ZNF526: variants seen among roughly 807,000 people sequenced by gnomAD.
ZNF526 encodes the protein zinc finger protein 526.
A neutral mutation model predicts 32.4 loss-of-function variants in ZNF526; 16 were observed. The observed-to-expected ratio is 0.49, with a 90% CI of 0.33 to 0.75. ZNF526 has a LOEUF of 0.75. ZNF526 is among the 30% of genes least tolerant of loss of function. The pLI is 0.02. For synonymous variants in ZNF526, 355 were observed against 363.4 expected, an observed-to-expected ratio of 0.98 and a Z score of 0.26; for missense variants, 838 against 920.7, an observed-to-expected ratio of 0.91 and a Z score of 1.16.
At position 42,227,442 on chromosome 19, in the gene ZNF526, A is replaced by G. The variant is rs143313894; in HGVS notation, c.*1026A>G. 1 of 167,208 alleles carries G rather than the reference A, an allele frequency of 6.0e-6. No homozygotes were observed. The highest frequency in any genetic ancestry group is 1.5e-5 in the Non-Finnish European group (1 of 68,112). The allele number at this position is 167,208 out of a possible 1,614,324, so 10.4% of individuals were successfully genotyped here. A position where few individuals can be genotyped will look rare whatever the true frequency, so the allele number is the denominator to read the frequency against. On this transcript the variant is annotated 3_prime_UTR_variant, in exon 3 of 3. Transcript: ENST00000301215. Reference sequence around the variant, plus strand: ...CCAACAGGCTTGTGACATAGATTTCATATTATCCCTGTTGTATAGATTTTT... The same window carrying G: ...CCAACAGGCTTGTGACATAGATTTCGTATTATCCCTGTTGTATAGATTTTT...
In ZNF526 at chr19:42,227,183, T is replaced by G. The variant is rs2036189519; in HGVS notation, c.*767T>G. 1 of 167,776 alleles carries G rather than the reference T, an allele frequency of 6.0e-6. No individual in the cohort carries two copies. Among genetic ancestry groups the G allele is most frequent in the Non-Finnish European group, 1.5e-5 (1 of 68,740 alleles). 10.4% of individuals were successfully genotyped at this position (167,776 alleles called of 1,614,324 possible). A position where few individuals can be genotyped will look rare whatever the true frequency, so the allele number is the denominator to read the frequency against. On this transcript the variant is annotated 3_prime_UTR_variant, in exon 3 of 3. Transcript: ENST00000301215. ...CTGTGATGGGGATGTGCAGGGACAG[T>G]GGGATCCCAGGAAACAGACCTCCAT...
Position 42,227,138 on chromosome 19 carries a change from A to G in ZNF526, c.*722A>G, listed in dbSNP as rs1296979516. On this transcript the variant is annotated 3_prime_UTR_variant, in exon 3 of 3. Transcript: ENST00000301215. The stretch of plus-strand genomic sequence containing the variant: ...GTGATGCTGGGGGCAGAGATGAGTC[A>G]GGCCTAAGGCTTCTCTGGGCTGTGA... 1 of 172,464 alleles carries G rather than the reference A, an allele frequency of 5.8e-6. No homozygotes were observed. The highest frequency in any genetic ancestry group is 1.4e-5 in the Non-Finnish European group (1 of 71,086). The allele number at this position is 172,464 out of a possible 1,614,324, so 10.7% of individuals were successfully genotyped here. A position where few individuals can be genotyped will look rare whatever the true frequency, so the allele number is the denominator to read the frequency against.
In ZNF526 at chr19:42,225,798, C is replaced by G. The variant is rs765356684; in HGVS notation, c.1395C>G (p.His465Gln). Residue 465 changes from histidine to glutamine, a missense_variant, in exon 3 of 3, where the codon CAC (histidine) becomes CAG (glutamine). Coordinates refer to ENST00000301215, the MANE Select transcript of ZNF526 (RefSeq NM_133444.3). ...SRLSRHRRAV[H>Q]GPPERRHRCG... ...TGTCCCGGCACCGGCGTGCAGTACA[C>G]GGGCCCCCTGAACGGCGTCACCGCT... The G allele has an allele frequency of 6.2e-7, 1 of 1,613,618 alleles. No homozygotes were observed. Among genetic ancestry groups the G allele is most frequent in the Admixed American group, 1.7e-5 (1 of 60,014 alleles).
At position 42,220,392 on chromosome 19, in the gene ZNF526, G is replaced by C. The variant is rs1302017805; in HGVS notation, c.-109+5G>C. The stretch of plus-strand genomic sequence containing the variant: ...TGCAGGAGATAAGAGAAACGGGTGA[G>C]GGCGCCGCGCGGGGCTGGACTGGGA... On this transcript the variant is annotated splice_donor_5th_base_variant and intron_variant, in intron 1 of 2. Coordinates refer to ENST00000301215, the MANE Select transcript of ZNF526 (RefSeq NM_133444.3). The C allele has an allele frequency of 2.0e-5, 3 of 153,004 alleles. No homozygotes were observed. Among genetic ancestry groups the C allele is most frequent in the Non-Finnish European group, 2.9e-5 (2 of 68,628 alleles). 9.5% of individuals were successfully genotyped at this position (153,004 alleles called of 1,614,324 possible).
Position 42,224,418 on chromosome 19 carries a change from G to A in ZNF526, c.15G>A (p.Val5=). 3 of 1,614,182 alleles carry A rather than the reference G, an allele frequency of 1.9e-6. No homozygotes were observed. The highest frequency in any genetic ancestry group is 1.6e-4 in the Middle Eastern group (1 of 6,062). The change falls in exon 3 of 3, where the codon GTG becomes GTA. Residue 5 remains valine, a synonymous_variant. Transcript: ENST00000301215. MAEV[V]AEVAEMPTQM... is the part of the protein sequence containing the mutation. ...CCTTCCCCACAATGGCAGAGGTGGT[G>A]GCTGAGGTGGCCGAGATGCCAACAC...
chr19:42,222,407 A>G (rs545743737), intron 1 of ZNF526, among the ~76,000 whole-genome samples: 1 of 152,216 alleles, frequency 6.6e-6, no homozygotes, highest in East Asian at 1.9e-4. Context: ...TTCTATATGC[A>G]AGGCTGTAAA....
At chr19:42,224,119 A>G (rs558216633) in intron 1 of ZNF526, 96 bp from the exon 2 acceptor site, 13 of 411,806 alleles carry the variant, frequency 3.2e-5, no homozygotes, top group South Asian at 2.6e-4. Flanking sequence ...AGATTGTGCC[A>G]CTGCACTCCA....
rs111722832 is a variant in ZNF526 at position 42,226,065 on chromosome 19, C to T, written c.1662C>T (p.Val554=). Reference sequence around the variant, plus strand: ...ACCGGCGGTTGCACTTGCGGCCAGTCGCCTTTGCCCGCGCCCCCCGCCTCC... The same window carrying T: ...ACCGGCGGTTGCACTTGCGGCCAGTTGCCTTTGCCCGCGCCCCCCGCCTCC... ...QQHRRLHLRP[V]AFARAPRLPI... Residue 554 remains valine (V), a synonymous_variant, in exon 3 of 3, where the codon GTC becomes GTT. Coordinates refer to ENST00000301215, the MANE Select transcript of ZNF526 (RefSeq NM_133444.3). 7,950 of 1,608,334 alleles carry T rather than the reference C, an allele frequency of 4.9e-3. 296 individuals are homozygous for T. In the African/African-American group the frequency reaches 0.089, roughly 18 times the overall value.
At position 42,225,619 on chromosome 19, in the gene ZNF526, C is replaced by A; in HGVS notation, c.1216C>A (p.Arg406=). ...FSNMTKFLYH[R]RTHAGKSGAP... ...CAACATGACCAAGTTCCTCTACCAC[C>A]GGCGCACTCACGCCGGCAAAAGCGG... Residue 406 remains arginine, a synonymous_variant, in exon 3 of 3, where the codon CGG becomes AGG. Coordinates refer to ENST00000301215, the MANE Select transcript of ZNF526 (RefSeq NM_133444.3). 6.2e-7 allele frequency: 1 copy of A among 1,611,666 alleles called. No individual in the cohort carries two copies. The highest frequency in any genetic ancestry group is 8.5e-7 in the Non-Finnish European group (1 of 1,178,288).
Position 42,226,894 on chromosome 19 carries a change from A to C in ZNF526, c.*478A>C. On this transcript the variant is annotated 3_prime_UTR_variant, in exon 3 of 3. Coordinates refer to ENST00000301215, the MANE Select transcript of ZNF526 (RefSeq NM_133444.3). The stretch of plus-strand genomic sequence containing the variant: ...GATTTCTCTGGGCTTCCTTCATCTC[A>C]ATTCTGACAGTGTGGAAGGAAATCT... 1 of 250,662 alleles carries C rather than the reference A, an allele frequency of 4.0e-6. No homozygotes were observed. Among genetic ancestry groups the C allele is most frequent in the Non-Finnish European group, 8.5e-6 (1 of 118,056 alleles). The allele number at this position is 250,662 out of a possible 1,614,324, so 15.5% of individuals were successfully genotyped here.
At chr19:42,221,866 G>C (rs1426951340) in intron 1 of ZNF526, among the ~76,000 whole-genome samples, 1 of 151,576 alleles carries the variant, frequency 6.6e-6, no homozygotes, top group Non-Finnish European at 1.5e-5. Flanking sequence ...CTTCCCAAGG[G>C]AGGCTCACTG....
At chr19:42,223,828 A>AG in intron 1 of ZNF526, among the ~76,000 whole-genome samples, 2 of 147,758 alleles carry the variant, frequency 1.4e-5, no homozygotes, top group African/African-American at 2.5e-5. Context: ...AAAAAAAAAA[A>AG]AAAAAAAAAA....
rs1237797744 is a variant in ZNF526, at chr19:42,225,944, A to T, written c.1541A>T (p.Asn514Ile). 6.2e-7 allele frequency: 1 copy of T among 1,614,080 alleles called. No homozygotes were observed. Among genetic ancestry groups the T allele is most frequent in the Non-Finnish European group, 8.5e-7 (1 of 1,180,012 alleles). Residue 514 changes from asparagine (N) to isoleucine (I), a missense_variant, in exon 3 of 3, where the codon AAC (asparagine) becomes ATC (isoleucine). Coordinates refer to ENST00000301215, the MANE Select transcript of ZNF526 (RefSeq NM_133444.3). ...GGCAAGACCTTTGCTTCTTTGGCCA[A>T]CCTCAGCCGCCACCAGCTGACCCAT... ...SCGKTFASLA[N>I]LSRHQLTHTG... is the part of the protein sequence containing the mutation.
Position 42,225,782 on chromosome 19 carries a change from A to G in ZNF526, c.1379A>G (p.His460Arg). 1 of 1,517,676 alleles carries G rather than the reference A, an allele frequency of 6.6e-7. No individual in the cohort carries two copies. The highest frequency in any genetic ancestry group is 8.9e-7 in the Non-Finnish European group (1 of 1,120,252). The allele number at this position is 1,517,676 out of a possible 1,614,324, so 94.0% of individuals were successfully genotyped here. The change falls in exon 3 of 3, where the codon CAC (histidine) becomes CGC (arginine). Residue 460 changes from histidine to arginine, a missense_variant. Transcript: ENST00000301215. The part of the protein sequence containing the change: ...SFASASRLSR[H>R]RRAVHGPPER... ...GCCTCAGCTTCCCGGCTGTCCCGGC[A>G]CCGGCGTGCAGTACACGGGCCCCCT...
chr19:42,225,736 C>G lies in ZNF526; in HGVS notation c.1333C>G (p.Pro445Ala), dbSNP rs1489433178. The change falls in exon 3 of 3, where the codon CCA (proline) becomes GCA (alanine). Residue 445 changes from proline to alanine, a missense_variant. Physicochemically the swap from Pro to Ala is conservative, Grantham distance 27. Coordinates refer to ENST00000301215, the MANE Select transcript of ZNF526 (RefSeq NM_133444.3). ...TGCCCCACCTGCCCAGCTGCCCTGC[C>G]CACAGTGCTCCAAGTCCTTTGCCTC... is the stretch of plus-strand genomic sequence containing the variant. ...PPAPPAQLPC[P>A]QCSKSFASAS... is the part of the protein sequence containing the mutation. 1 of 1,612,966 alleles carries G rather than the reference C, an allele frequency of 6.2e-7. No individual in the cohort carries two copies. Among genetic ancestry groups the G allele is most frequent in the South Asian group, 1.1e-5 (1 of 91,064 alleles).
intron 1 of ZNF526, among the ~76,000 whole-genome samples, chr19:42,224,002 T>C (rs1472556779): frequency 8.1e-4 from 102 of 126,206 alleles, no homozygotes; most frequent in African/African-American, 1.5e-3. Context: ...TATATATATA[T>C]ACAAAAATTA....
chr19:42,220,941 C>T (rs938173735), intron 1 of ZNF526, among the ~76,000 whole-genome samples: 3 of 152,114 alleles, frequency 2.0e-5, no homozygotes, highest in Admixed American at 6.5e-5. Flanking sequence ...AACTCTCGGG[C>T]CCCTGGTTGC....
rs945786621 is a variant in ZNF526 at position 42,227,247 on chromosome 19, A to T, written c.*831A>T. 2 of 167,198 alleles carry T rather than the reference A, an allele frequency of 1.2e-5. No homozygotes were observed. Among genetic ancestry groups the T allele is most frequent in the Non-Finnish European group, 2.9e-5 (2 of 68,228 alleles). 10.4% of individuals were successfully genotyped at this position (167,198 alleles called of 1,614,324 possible). Reference sequence around the variant, plus strand: ...GAGTTAAGGACTTCCTAGAGAAGGTAGTCCCTGAAGGAAAAGTAGGAATCT... The same window carrying T: ...GAGTTAAGGACTTCCTAGAGAAGGTTGTCCCTGAAGGAAAAGTAGGAATCT... On this transcript the variant is annotated 3_prime_UTR_variant, in exon 3 of 3. Transcript: ENST00000301215.
Position 42,224,764 on chromosome 19 carries a change from G to A in ZNF526, c.361G>A (p.Gly121Arg), listed in dbSNP as rs2036156457. 1 of 1,613,870 alleles carries A rather than the reference G, an allele frequency of 6.2e-7. No homozygotes were observed. Among genetic ancestry groups the A allele is most frequent in the Admixed American group, 1.7e-5 (1 of 59,994 alleles). The stretch of plus-strand genomic sequence containing the variant: ...ATGCAGCCAGCTCATCCTCTCCCCT[G>A]GGGAGCTCCTGGCCCACCAGGATGC... ...GECSQLILSP[G>R]ELLAHQDAHL... Residue 121 changes from glycine (G) to arginine (R), a missense_variant, in exon 3 of 3, where the codon GGG becomes AGG. Coordinates refer to ENST00000301215, the MANE Select transcript of ZNF526 (RefSeq NM_133444.3).
Sources: allele counts gnomAD v4.1 joint callset (sites outside exome capture counted in the v4.1 genomes callset), GRCh38; gene constraint gnomAD v4.1.1; transcripts MANE v1.5; gene names NCBI Gene and HGNC (gene_info 2026-07-23, HGNC 2026-07-21).